PATJ: variants seen among roughly 807,000 people sequenced by gnomAD.
PATJ encodes PATJ crumbs cell polarity complex component, also known as inaD-like protein.
Under a neutral mutation model 224.9 loss-of-function variants are expected in PATJ, and 190 were observed. The observed-to-expected ratio is 0.84, with a 90% confidence interval of 0.75 to 0.95. PATJ has a LOEUF of 0.95. PATJ is among the 40% of genes least tolerant of loss of function. PATJ has a pLI of 0.00. For missense variants in PATJ, 2,121 were observed against 2,270.3 expected (o/e 0.93, Z 1.34); for synonymous variants, 769 against 820.3 (o/e 0.94, Z 1.07).
chr1:61,871,435 G>GTGTA (rs376836862), intron 20 of PATJ, among the ~76,000 whole-genome samples: 3 of 72,154 alleles, frequency 4.2e-5, no homozygotes, highest in Non-Finnish European at 9.0e-5. Flanking sequence ...ACATATATAT[G>GTGTA]TGTATATACA....
At chr1:61,814,558 G>GCA (rs1310595198) in intron 14 of PATJ, among the ~76,000 whole-genome samples, 2 of 151,840 alleles carry the variant, frequency 1.3e-5, no homozygotes, top group African/African-American at 4.8e-5. Context: ...GCGCGCGCGC[G>GCA]CGCATGTATG....
At chr1:62,017,781 TC>T (rs1456448337) in intron 28 of PATJ, 74 bp from the exon 29 acceptor site, 9 of 698,598 alleles carry the variant, frequency 1.3e-5, no homozygotes, top group Non-Finnish European at 2.2e-5. Context: ...GTAGACTTTA[TC>T]ATTTAATTCC....
chr1:61,905,478 T>G (rs1188781274), intron 24 of PATJ, among the ~76,000 whole-genome samples: 2 of 152,244 alleles, frequency 1.3e-5, no homozygotes, highest in Non-Finnish European at 2.9e-5. Context: ...ATGTACCAAT[T>G]TGTTTAATCA....
At chr1:62,117,619 C>T (rs1489368573) in intron 37 of PATJ, among the ~76,000 whole-genome samples, 16 of 152,150 alleles carry the variant, frequency 1.1e-4, no homozygotes. Context: ...GCCACTCACA[C>T]ATGCCGAGGG....
chr1:61,879,987 C>A (rs180695230), intron 21 of PATJ, among the ~76,000 whole-genome samples: 1 of 151,964 alleles, frequency 6.6e-6, no homozygotes, highest in Non-Finnish European at 1.5e-5. Flanking sequence ...TACAGGCACA[C>A]GCCACCACAC....
At chr1:62,078,174 C>T in intron 31 of PATJ, among the ~76,000 whole-genome samples, 1 of 152,186 alleles carries the variant, frequency 6.6e-6, no homozygotes, top group South Asian at 2.1e-4. Context: ...GGATGGGTTC[C>T]CTGGCCAACT....
chr1:61,786,713 C>T lies in PATJ; in HGVS notation c.850-1041C>T, dbSNP rs111473579. ...CAGTTTATTAAAAATATATCTTGGC[C>T]GGGCGCAGTGGCTTATGCCTGTAAT... is the stretch of plus-strand genomic sequence containing the variant. On this transcript the variant is annotated intron_variant, in intron 7 of 43. Transcript: ENST00000642238. Among the ~76,000 whole-genome samples, 1,106 of 152,102 alleles carry T rather than the reference C, an allele frequency of 7.3e-3. 13 individuals are homozygous for T. The highest frequency in any genetic ancestry group is 0.025 in the African/African-American group (1,042 of 41,490).
chr1:61,966,102 A>AT (rs1682091781), intron 27 of PATJ, among the ~76,000 whole-genome samples: 1 of 152,010 alleles, frequency 6.6e-6, no homozygotes, highest in South Asian at 2.1e-4. Context: ...AGGTTTTACC[A>AT]TGTTGGCCAG....
chr1:62,100,840 A>T (rs956194508), intron 33 of PATJ, among the ~76,000 whole-genome samples: 2 of 152,198 alleles, frequency 1.3e-5, no homozygotes. Context: ...CCCTGAACAG[A>T]CATTCATGAT....
chr1:62,160,251 G>A (rs1570886203), intron 43 of PATJ, among the ~76,000 whole-genome samples: 1 of 152,064 alleles, frequency 6.6e-6, no homozygotes, highest in South Asian at 2.1e-4. Flanking sequence ...GCTTTGTGCC[G>A]TTTTGAGGAA....
At chr1:61,827,625 TCATC>T (rs1197513384) in intron 16 of PATJ, 42 bp downstream of exon 16, 2 of 1,569,944 alleles carry the variant, frequency 1.3e-6, no homozygotes, top group African/African-American at 2.7e-5. Flanking sequence ...GCATGCCCAT[TCATC>T]AAAGATGCCC....
intron 7 of PATJ, among the ~76,000 whole-genome samples, chr1:61,781,294 A>G (rs1647278560): frequency 6.6e-6 from 1 of 152,224 alleles, no homozygotes; most frequent in Non-Finnish European, 1.5e-5. Flanking sequence ...CTTCTAGGGC[A>G]TATGGTAAGG....
At chr1:61,796,124 A>G (rs1364135497) in intron 10 of PATJ, among the ~76,000 whole-genome samples, 1 of 152,206 alleles carries the variant, frequency 6.6e-6, no homozygotes, top group Non-Finnish European at 1.5e-5. Context: ...CATAGAAACA[A>G]ATGCTGGGTG....
Position 61,856,214 on chromosome 1 carries a change from A to G in PATJ, c.2297A>G (p.His766Arg), listed in dbSNP as rs1018347056. The G allele has an allele frequency of 6.2e-7, 1 of 1,613,928 alleles. No individual in the cohort carries two copies. Among genetic ancestry groups the G allele is most frequent in the African/African-American group, 1.3e-5 (1 of 74,918 alleles). The change falls in exon 18 of 44, where the codon CAC becomes CGC. Residue 766 changes from histidine to arginine, a missense_variant. Coordinates refer to ENST00000642238, the MANE Select transcript of PATJ (RefSeq NM_001350145.3). ...ILKAVPPGLVHLGICKPLVED... is the reference protein window; with the variant it reads ...ILKAVPPGLVRLGICKPLVED... ...AAAGCTGTGCCACCAGGCCTAGTAC[A>G]CCTTGGCATCTGTAAGCCTTTGGTG...
At chr1:61,780,372 T>G (rs1222293347) in intron 7 of PATJ, among the ~76,000 whole-genome samples, 2 of 151,902 alleles carry the variant, frequency 1.3e-5, no homozygotes, top group South Asian at 2.1e-4. Context: ...GGCTGAGGCA[T>G]GAGAATTGCT....
At chr1:62,061,821 A>G (rs1570395058) in intron 31 of PATJ, among the ~76,000 whole-genome samples, 1 of 151,910 alleles carries the variant, frequency 6.6e-6, no homozygotes, top group Admixed American at 6.6e-5. Flanking sequence ...CACCATGCCC[A>G]GCTAATATTT....
At chr1:61,839,482 A>G (rs1660737620) in intron 17 of PATJ, among the ~76,000 whole-genome samples, 1 of 152,158 alleles carries the variant, frequency 6.6e-6, no homozygotes, top group Non-Finnish European at 1.5e-5. Flanking sequence ...TCAATAATGA[A>G]ACAATGATTA....
At chr1:61,817,019 G>A (rs1656240655) in intron 14 of PATJ, among the ~76,000 whole-genome samples, 1 of 152,166 alleles carries the variant, frequency 6.6e-6, no homozygotes, top group Non-Finnish European at 1.5e-5. Flanking sequence ...AATGCCTAAT[G>A]TGTGTTCTAG....
Position 61,796,736 on chromosome 1 carries a change from C to CTT in PATJ, c.1261-549_1261-548dup, listed in dbSNP as rs1241315466. Among the ~76,000 whole-genome samples the CTT allele has an allele frequency of 8.2e-4, 60 of 72,782 alleles. 2 individuals are homozygous for CTT. Among genetic ancestry groups the CTT allele is most frequent in the African/African-American group, 2.5e-3 (53 of 21,190 alleles). The allele number at this position is 72,782 out of a possible 152,430, so 47.7% of individuals were successfully genotyped here. A position where few individuals can be genotyped will look rare whatever the true frequency, so the allele number is the denominator to read the frequency against. ...TTTCTTTCTTTCTTTTTCTTTCTTT[C>CTT]TTTCTTTTTTTTCTTCCTTTCTTCC... On this transcript the variant is annotated intron_variant, in intron 10 of 43. Coordinates refer to ENST00000642238, the MANE Select transcript of PATJ (RefSeq NM_001350145.3).
Sources: allele counts gnomAD v4.1 joint callset (sites outside exome capture counted in the v4.1 genomes callset), GRCh38; gene constraint gnomAD v4.1.1; transcripts MANE v1.5; gene names NCBI Gene and HGNC (gene_info 2026-07-23, HGNC 2026-07-21).